Variants in SHISA9 observed in about 807,000 individuals in gnomAD.
SHISA9 encodes shisa family member 9.
A neutral mutation model predicts 38.0 loss-of-function variants in SHISA9; 13 were observed. That is an observed-to-expected ratio of 0.34 (90% CI 0.22 to 0.54). The LOEUF (loss-of-function observed/expected upper bound fraction) is 0.54. Ranked by LOEUF, SHISA9 falls within the 20% of genes least tolerant of loss-of-function variation. The pLI is 0.91. For missense variants in SHISA9, 538 were observed against 575.8 expected (o/e 0.93, Z 0.67); for synonymous variants, 275 against 242.0 (o/e 1.14, Z -1.27).
intron 2 of SHISA9, among the ~76,000 whole-genome samples, chr16:13,040,939 G>C (rs2073125519): frequency 6.6e-6 from 1 of 152,302 alleles, no homozygotes; most frequent in East Asian, 1.9e-4. Context: ...GTGGGGTCCT[G>C]AGTCTCACCC....
At chr16:13,540,626 A>G in the SHISA9 span, among the ~76,000 whole-genome samples, 5 of 152,224 alleles carry the variant, frequency 3.3e-5, no homozygotes, top group South Asian at 1.0e-3. Context: ...AAAATACCTG[A>G]CTTGAATCCT....
intron 2 of SHISA9, among the ~76,000 whole-genome samples, chr16:13,158,795 G>A (rs148654157): frequency 0.012 from 1,796 of 151,796 alleles, 21 homozygotes; most frequent in Middle Eastern, 0.051. Flanking sequence ...GGTGGCTCAC[G>A]CCTATAATCC....
At chr16:13,432,596 T>A in the SHISA9 span, among the ~76,000 whole-genome samples, 11 of 152,242 alleles carry the variant, frequency 7.2e-5, no homozygotes, top group Admixed American at 1.3e-4. Context: ...TTTTTGCTTT[T>A]TTTTATGGCA....
chr16:13,062,559 G>A (rs1042487370), intron 2 of SHISA9, among the ~76,000 whole-genome samples: 2 of 152,112 alleles, frequency 1.3e-5, no homozygotes, highest in African/African-American at 4.8e-5. Context: ...GTGCTGCAGA[G>A]AGTAGTGGGG....
chr16:13,385,835 A>G, the SHISA9 span, among the ~76,000 whole-genome samples: 23 of 152,360 alleles, frequency 1.5e-4, 2 homozygotes, highest in Admixed American at 1.1e-3. Flanking sequence ...GGAACAAACT[A>G]CTGGTACACA....
At chr16:13,447,370 C>T in the SHISA9 span, among the ~76,000 whole-genome samples, 1 of 152,160 alleles carries the variant, frequency 6.6e-6, no homozygotes, top group Non-Finnish European at 1.5e-5. Flanking sequence ...TCATAGTGTT[C>T]CAAGGAGGTG....
intron 2 of SHISA9, among the ~76,000 whole-genome samples, chr16:13,120,234 CCCAGG>C (rs2074072101): frequency 6.6e-6 from 1 of 152,130 alleles, no homozygotes; most frequent in Non-Finnish European, 1.5e-5. Flanking sequence ...GAGTTACTCG[CCCAGG>C]AACCCCATGG....
chr16:12,922,226 C>G (rs569272159), intron 2 of SHISA9, among the ~76,000 whole-genome samples: 2 of 152,328 alleles, frequency 1.3e-5, no homozygotes, highest in East Asian at 3.9e-4. Context: ...AGAGCTGTTT[C>G]CAAAATATAC....
chr16:12,979,868 C>A (rs1596562434), intron 2 of SHISA9, among the ~76,000 whole-genome samples: 1 of 152,286 alleles, frequency 6.6e-6, no homozygotes, highest in East Asian at 1.9e-4. Context: ...GCTCTCCCAT[C>A]CCTTTTTTCT....
At chr16:13,118,254 G>A (rs1158186959) in intron 2 of SHISA9, among the ~76,000 whole-genome samples, 2 of 151,854 alleles carry the variant, frequency 1.3e-5, no homozygotes, top group Non-Finnish European at 2.9e-5. Flanking sequence ...CAGTCTAGCT[G>A]GTCAAGGTTG....
the SHISA9 span, among the ~76,000 whole-genome samples, chr16:13,417,508 C>G: frequency 6.6e-6 from 1 of 152,200 alleles, no homozygotes; most frequent in African/African-American, 2.4e-5. Flanking sequence ...TATTTGCTTC[C>G]TCTCTCTTGT....
At chr16:13,487,428 C>G in the SHISA9 span, among the ~76,000 whole-genome samples, 1 of 152,176 alleles carries the variant, frequency 6.6e-6, no homozygotes, top group East Asian at 1.9e-4. Context: ...GAAGAGGGAG[C>G]AGTTGTCTCA....
chr16:13,462,940 C>T, the SHISA9 span, among the ~76,000 whole-genome samples: 9 of 151,540 alleles, frequency 5.9e-5, no homozygotes, highest in Admixed American at 2.0e-4. Flanking sequence ...CCAGCCTGAG[C>T]GACAGAGGGA....
chr16:12,951,120 C>A (rs2071749256), intron 2 of SHISA9, among the ~76,000 whole-genome samples: 1 of 142,932 alleles, frequency 7.0e-6, no homozygotes, highest in South Asian at 2.2e-4. Flanking sequence ...ACTTGGGAGA[C>A]TGAGGCAGGA....
intron 2 of SHISA9, among the ~76,000 whole-genome samples, chr16:12,983,833 G>T (rs2072272481): frequency 6.6e-6 from 1 of 152,132 alleles, no homozygotes; most frequent in African/African-American, 2.4e-5. Context: ...TTTGAGCTCT[G>T]TCTTCTACTC....
chr16:13,352,779 G>A, the SHISA9 span, among the ~76,000 whole-genome samples: 2 of 149,380 alleles, frequency 1.3e-5, no homozygotes, highest in Non-Finnish European at 3.0e-5. Context: ...GTTCTCTGGC[G>A]GGCAGGAGTG....
the SHISA9 span, among the ~76,000 whole-genome samples, chr16:13,452,966 T>C: frequency 2.2e-4 from 33 of 152,000 alleles, no homozygotes; most frequent in Non-Finnish European, 4.9e-4. Context: ...TGGAGTGCAG[T>C]GGCGCAATCT....
At chr16:13,029,093 G>C (rs1424741971) in intron 2 of SHISA9, among the ~76,000 whole-genome samples, 1 of 152,138 alleles carries the variant, frequency 6.6e-6, no homozygotes, top group Non-Finnish European at 1.5e-5. Flanking sequence ...TGGGCACCTA[G>C]TAGATATATA....
At chr16:13,028,274 A>C (rs2072949504) in intron 2 of SHISA9, among the ~76,000 whole-genome samples, 1 of 152,184 alleles carries the variant, frequency 6.6e-6, no homozygotes, top group African/African-American at 2.4e-5. Context: ...ATTTATCTCT[A>C]CGTGGCTTCA....
Sources: allele counts gnomAD v4.1 joint callset (sites outside exome capture counted in the v4.1 genomes callset), GRCh38; gene constraint gnomAD v4.1.1; transcripts MANE v1.5; gene names NCBI Gene and HGNC (gene_info 2026-07-23, HGNC 2026-07-21).